SPMIP4: variants seen among roughly 807,000 people sequenced by gnomAD.
SPMIP4 encodes sperm microtubule inner protein 4.
the SPMIP4 span, among the ~76,000 whole-genome samples, chr7:25,170,402 C>T: frequency 6.6e-6 from 1 of 152,184 alleles, no homozygotes; most frequent in East Asian, 1.9e-4. Context: ...TTTTGCGTTA[C>T]AAGAGTTCTT....
At chr7:25,142,260 A>C in the SPMIP4 span, 1 of 1,612,962 alleles carries the variant, frequency 6.2e-7, no homozygotes, top group Non-Finnish European at 8.5e-7. Context: ...GTCAAATCCT[A>C]TCTTTCGTGT....
At chr7:25,144,153 A>AC in the SPMIP4 span, among the ~76,000 whole-genome samples, 1 of 152,186 alleles carries the variant, frequency 6.6e-6, no homozygotes, top group Non-Finnish European at 1.5e-5. Flanking sequence ...AGCCAGGCCC[A>AC]CCCTTAACAC....
At chr7:25,170,449 T>C in the SPMIP4 span, among the ~76,000 whole-genome samples, 2 of 152,234 alleles carry the variant, frequency 1.3e-5, no homozygotes, top group Admixed American at 1.3e-4. Flanking sequence ...TCAGGGATAA[T>C]AGGCAGATAT....
chr7:25,137,301 C>CTT, the SPMIP4 span, among the ~76,000 whole-genome samples: 78 of 127,094 alleles, frequency 6.1e-4, no homozygotes, highest in Admixed American at 2.9e-3. Context: ...GCTGAATTTT[C>CTT]TTTTTTTTTT....
the SPMIP4 span, among the ~76,000 whole-genome samples, chr7:25,175,512 A>T: frequency 1.3e-5 from 2 of 152,188 alleles, no homozygotes; most frequent in Non-Finnish European, 2.9e-5. Context: ...TAAAACTGCC[A>T]AGTGAGTGCC....
the SPMIP4 span, chr7:25,155,054 C>T: frequency 5.6e-6 from 9 of 1,613,966 alleles, no homozygotes; most frequent in East Asian, 2.2e-5. Context: ...TGGTTGGCAC[C>T]GTGGGAGGAA....
At chr7:25,133,035 CT>C in the SPMIP4 span, among the ~76,000 whole-genome samples, 2 of 152,132 alleles carry the variant, frequency 1.3e-5, no homozygotes, top group African/African-American at 2.4e-5. Context: ...TAAAATATCA[CT>C]TTTTGCTAAA....
the SPMIP4 span, among the ~76,000 whole-genome samples, chr7:25,163,195 G>A: frequency 3.9e-5 from 6 of 152,164 alleles, no homozygotes; most frequent in Admixed American, 2.6e-4. The surrounding 1 kb of genome is among the most constrained non-coding windows in gnomAD (Gnocchi z 4.4). Flanking sequence ...TGATGCATCC[G>A]TATTGTAGAA....
At chr7:25,138,726 T>A in the SPMIP4 span, among the ~76,000 whole-genome samples, 35 of 152,328 alleles carry the variant, frequency 2.3e-4, 1 homozygote, top group South Asian at 6.6e-3. This position sits in a 1 kb window ranked among gnomAD's most constrained non-coding sequence, Gnocchi z 6.2. Context: ...GGTTTTGAAG[T>A]TTCCTAAAAT....
chr7:25,173,136 A>G, the SPMIP4 span, among the ~76,000 whole-genome samples: 1 of 152,022 alleles, frequency 6.6e-6, no homozygotes, highest in Non-Finnish European at 1.5e-5. This position sits in a 1 kb window ranked among gnomAD's most constrained non-coding sequence, Gnocchi z 4.4. Context: ...GAAGAGAGAG[A>G]GAGGGAAAGA....
the SPMIP4 span, among the ~76,000 whole-genome samples, chr7:25,139,163 GA>G: frequency 2.7e-5 from 4 of 150,400 alleles, no homozygotes; most frequent in South Asian, 2.1e-4. Context: ...CATCTTAAAA[GA>G]AAAAAAAACC....
At chr7:25,136,761 G>A in the SPMIP4 span, 4 of 1,613,154 alleles carry the variant, frequency 2.5e-6, no homozygotes, top group Non-Finnish European at 3.4e-6. This position sits in a 1 kb window ranked among gnomAD's most constrained non-coding sequence, Gnocchi z 5.7. Context: ...CCAACGGTCT[G>A]GGAGGTTTGA....
chr7:25,129,985 C>G, the SPMIP4 span, among the ~76,000 whole-genome samples: 1 of 151,952 alleles, frequency 6.6e-6, no homozygotes, highest in Admixed American at 6.6e-5. Context: ...TGCCTGTAAT[C>G]CCAACACTTT....
chr7:25,159,198 C>T, the SPMIP4 span, among the ~76,000 whole-genome samples: 7 of 152,316 alleles, frequency 4.6e-5, no homozygotes, highest in African/African-American at 1.4e-4. Flanking sequence ...CCTAAAGTGA[C>T]GCGAGTGTGG....
chr7:25,163,813 A>AG, the SPMIP4 span, among the ~76,000 whole-genome samples: 1 of 152,210 alleles, frequency 6.6e-6, no homozygotes, highest in South Asian at 2.1e-4. The surrounding 1 kb of genome is among the most constrained non-coding windows in gnomAD (Gnocchi z 4.4). Context: ...TCTTCAAAAT[A>AG]GGGATTTCCC....
chr7:25,171,182 C>T, the SPMIP4 span, among the ~76,000 whole-genome samples: 3 of 152,148 alleles, frequency 2.0e-5, no homozygotes, highest in Non-Finnish European at 2.9e-5. Flanking sequence ...AGTGGACTGG[C>T]GGTTTCCTAA....
the SPMIP4 span, among the ~76,000 whole-genome samples, chr7:25,154,845 G>A: frequency 3.9e-5 from 6 of 152,190 alleles, no homozygotes; most frequent in Non-Finnish European, 8.8e-5. Context: ...TGGGTCCATG[G>A]TGGCGCGCCA....
the SPMIP4 span, among the ~76,000 whole-genome samples, chr7:25,165,956 G>A: frequency 6.6e-6 from 1 of 152,142 alleles, no homozygotes; most frequent in Non-Finnish European, 1.5e-5. Flanking sequence ...AGCAGCCAGG[G>A]TGCAAATGTG....
chr7:25,149,490 G>T, the SPMIP4 span, among the ~76,000 whole-genome samples: 1 of 152,148 alleles, frequency 6.6e-6, no homozygotes, highest in African/African-American at 2.4e-5. Context: ...AATGTGAAAG[G>T]TTGAAAATTA....
Sources: gnomAD v4.1 joint callset for allele counts (sites outside exome capture counted in the v4.1 genomes callset) on GRCh38, gnomAD v4.1.1 for gene constraint, Gnocchi (gnomAD v3.1) non-coding constraint, MANE v1.5 for transcripts, NCBI Gene and HGNC (gene_info 2026-07-23, HGNC 2026-07-21) for gene names.